RBFOX1: variants seen among roughly 807,000 people sequenced by gnomAD.
The protein encoded by RBFOX1 is RNA binding fox-1 homolog 1.
A neutral mutation model predicts 57.7 loss-of-function variants in RBFOX1; 8 were observed. The observed-to-expected ratio is 0.14, with a 90% CI of 0.08 to 0.25. The LOEUF (loss-of-function observed/expected upper bound fraction) is 0.25, where lower values mean the gene tolerates loss of function less well. RBFOX1 is among the 10% of genes least tolerant of loss of function. RBFOX1 has a pLI of 1.00. For synonymous variants in RBFOX1, 326 were observed against 222.4 expected (o/e 1.47, Z -4.15); for missense variants, 611 against 548.5 (o/e 1.11, Z -1.14).
chr16:7,014,728 C>G (rs1343742154), intron 3 of RBFOX1, among the ~76,000 whole-genome samples: 3 of 151,462 alleles, frequency 2.0e-5, no homozygotes, highest in Non-Finnish European at 4.4e-5. Flanking sequence ...AAGTTCTTTA[C>G]CAGGTTGTTT....
chr16:7,004,024 C>T (rs1367750023), intron 3 of RBFOX1: 3 of 147,174 alleles, frequency 2.0e-5, no homozygotes, highest in Admixed American at 1.4e-4. Context: ...AGTAACGCTT[C>T]ACAAATTTGC....
intron 3 of RBFOX1, among the ~76,000 whole-genome samples, chr16:6,753,366 A>T (rs576768026): frequency 2.0e-5 from 3 of 152,324 alleles, no homozygotes; most frequent in South Asian, 4.1e-4. Flanking sequence ...ACAAAAGTGA[A>T]TAGTCATATA....
intron 4 of RBFOX1, among the ~76,000 whole-genome samples, chr16:5,936,515 C>A (rs2059171742): frequency 6.6e-6 from 1 of 152,136 alleles, no homozygotes; most frequent in Non-Finnish European, 1.5e-5. Flanking sequence ...AAGAGAATGA[C>A]CAAGTTCCTC....
intron 3 of RBFOX1, chr16:6,705,311 G>C (rs1316258978): frequency 6.7e-6 from 1 of 149,792 alleles, no homozygotes; most frequent in Non-Finnish European, 1.5e-5. Flanking sequence ...GAGGTTACAA[G>C]GGAAGAAGTC....
chr16:6,076,532 A>G (rs1360746052), intron 1 of RBFOX1, among the ~76,000 whole-genome samples: 1 of 151,874 alleles, frequency 6.6e-6, no homozygotes, highest in Non-Finnish European at 1.5e-5. Flanking sequence ...CAGTGGTGCG[A>G]TCATAGCTCA....
chr16:6,335,742 C>G (rs923271990), intron 2 of RBFOX1, among the ~76,000 whole-genome samples: 20 of 130,748 alleles, frequency 1.5e-4, no homozygotes, highest in Admixed American at 2.7e-4. Context: ...CGCACCACTA[C>G]AGTCCAGCCT....
In RBFOX1 at chr16:6,887,661, A is replaced by G. The variant is rs1035006173; in HGVS notation, c.-15-164396A>G. Among the ~76,000 whole-genome samples, 3 of 138,900 alleles carry G rather than the reference A, an allele frequency of 2.2e-5. 1 individual carries two copies. Among genetic ancestry groups the G allele is most frequent in the Admixed American group, 1.4e-4 (2 of 14,474 alleles). 91.1% of individuals were successfully genotyped at this position (138,900 alleles called of 152,430 possible). ...GTTTGGTTGTTTTTGCTGTCTTTCC[A>G]TAGTCATTTTTTTTTTTTTGAGGCA... On this transcript the variant is annotated intron_variant, in intron 3 of 15. Coordinates refer to ENST00000550418, the MANE Select transcript of RBFOX1 (RefSeq NM_018723.4).
chr16:5,510,747 C>T (rs1042075715), intron 2 of RBFOX1, among the ~76,000 whole-genome samples: 1 of 152,122 alleles, frequency 6.6e-6, no homozygotes, highest in African/African-American at 2.4e-5. Context: ...AGCCTCAGAA[C>T]TATTGACACC....
intron 2 of RBFOX1, among the ~76,000 whole-genome samples, chr16:5,500,685 A>C (rs7188121): frequency 0.24 from 36,975 of 152,054 alleles, 7,378 homozygotes; most frequent in African/African-American, 0.55. Context: ...GGGTCCCAAC[A>C]TTGAATGCTT....
At chr16:5,240,408 A>T (rs1161726067) in intron 1 of RBFOX1, among the ~76,000 whole-genome samples, 2 of 151,962 alleles carry the variant, frequency 1.3e-5, no homozygotes, top group Admixed American at 1.3e-4. Flanking sequence ...CCAGCAGGGG[A>T]AGGGGCGGGG....
chr16:5,429,759 G>A (rs997471322), intron 1 of RBFOX1, among the ~76,000 whole-genome samples: 1 of 152,172 alleles, frequency 6.6e-6, no homozygotes, highest in Non-Finnish European at 1.5e-5. Context: ...ATAAGCCAGT[G>A]GCAGTGTTTG....
intron 4 of RBFOX1, among the ~76,000 whole-genome samples, chr16:7,070,164 A>T (rs1419172505): frequency 6.6e-6 from 1 of 152,144 alleles, no homozygotes; most frequent in African/African-American, 2.4e-5. Context: ...AAGTTAAAAA[A>T]CTTGAGTTTG....
At chr16:6,193,445 A>T (rs1454196640) in intron 1 of RBFOX1, among the ~76,000 whole-genome samples, 12 of 130,710 alleles carry the variant, frequency 9.2e-5, no homozygotes, top group Non-Finnish European at 3.2e-5. Context: ...TGAGAAGGTT[A>T]GTAGGAAATG....
Position 6,381,816 on chromosome 16 carries a change from G to A in RBFOX1, c.-64+64759G>A, listed in dbSNP as rs558443612. Among the ~76,000 whole-genome samples, 8 of 152,326 alleles carry A rather than the reference G, an allele frequency of 5.3e-5. No homozygotes were observed. In the South Asian group the frequency reaches 8.3e-4, roughly 16 times the overall value. On this transcript the variant is annotated intron_variant, in intron 2 of 15. Transcript: ENST00000550418. The stretch of plus-strand genomic sequence containing the variant: ...GGGATTCCAGCAAGTGGACTTCATC[G>A]CATTATCATGCATTCACCTGGTCAG...
intron 3 of RBFOX1, among the ~76,000 whole-genome samples, chr16:7,034,391 C>T (rs1368953341): frequency 6.6e-6 from 1 of 152,074 alleles, no homozygotes; most frequent in African/African-American, 2.4e-5. Context: ...GGTTGGAGAT[C>T]ATCAATGCAC....
Position 7,002,040 on chromosome 16 carries a change from G to T in RBFOX1, c.-15-50017G>T, listed in dbSNP as rs183892976. On this transcript the variant is annotated intron_variant, in intron 3 of 15. Coordinates refer to ENST00000550418, the MANE Select transcript of RBFOX1 (RefSeq NM_018723.4). ...GCATAGTTGATTCAGGGATGGGCAT[G>T]TGATCAGGTGGACCACCGAGAGATT... Among the ~76,000 whole-genome samples the T allele has an allele frequency of 3.0e-3, 397 of 133,532 alleles. 4 individuals are homozygous for T. Among genetic ancestry groups the T allele is most frequent in the African/African-American group, 0.011 (380 of 35,734 alleles). The allele number at this position is 133,532 out of a possible 152,430, so 87.6% of individuals were successfully genotyped here. A position where few individuals can be genotyped will look rare whatever the true frequency, so the allele number is the denominator to read the frequency against.
At chr16:6,514,244 G>A (rs2096321555) in intron 2 of RBFOX1, among the ~76,000 whole-genome samples, 1 of 152,156 alleles carries the variant, frequency 6.6e-6, no homozygotes, top group Admixed American at 6.5e-5. Context: ...AATGCCATTT[G>A]TAGCACACAC....
chr16:6,464,035 G>C (rs1422073682), intron 2 of RBFOX1, among the ~76,000 whole-genome samples: 1 of 152,176 alleles, frequency 6.6e-6, no homozygotes, highest in Admixed American at 6.5e-5. Flanking sequence ...CACTGTTCCT[G>C]ATTAATGTGA....
At chr16:7,293,018 G>C (rs1468534752) in intron 4 of RBFOX1, among the ~76,000 whole-genome samples, 1 of 152,118 alleles carries the variant, frequency 6.6e-6, no homozygotes, top group East Asian at 1.9e-4. Context: ...AAGTAAGGCA[G>C]AGAAAGTCTG....
Sources: gnomAD v4.1 joint callset for allele counts (sites outside exome capture counted in the v4.1 genomes callset) on GRCh38, gnomAD v4.1.1 for gene constraint, MANE v1.5 for transcripts, NCBI Gene and HGNC (gene_info 2026-07-23, HGNC 2026-07-21) for gene names.